Variants in PAK5 observed in about 807,000 individuals in gnomAD.
The protein encoded by PAK5 is p21 (RAC1) activated kinase 5.
In PAK5, 16 loss-of-function variants were observed where a neutral mutation model predicts 65.9. The observed-to-expected ratio is 0.24, with a 90% CI of 0.16 to 0.37. The LOEUF (loss-of-function observed/expected upper bound fraction) is 0.37. Ranked by LOEUF, PAK5 falls within the 10% of genes least tolerant of loss-of-function variation. The pLI, the probability that PAK5 is intolerant of heterozygous loss-of-function variation, is 1.00. For missense variants in PAK5, 785 were observed against 903.9 expected (o/e 0.87, Z 1.69); for synonymous variants, 371 against 354.9 (o/e 1.05, Z -0.51).
chr20:9,597,553 C>T (rs1470852577), intron 3 of PAK5, among the ~76,000 whole-genome samples: 2 of 152,182 alleles, frequency 1.3e-5, no homozygotes, highest in African/African-American at 4.8e-5. Context: ...AAAGTGGTTC[C>T]AATTCTCCTC....
chr20:9,571,874 T>TAAG (rs1435735177), intron 4 of PAK5, among the ~76,000 whole-genome samples: 2 of 39,350 alleles, frequency 5.1e-5, no homozygotes, highest in Admixed American at 3.4e-4. Context: ...GCATGAATGA[T>TAAG]GGGGGGGGGG....
chr20:9,812,141 C>G lies in PAK5; in HGVS notation c.-162+26621G>C, dbSNP rs542658488. The stretch of plus-strand genomic sequence containing the variant: ...GCACCAACATGTGCCAATCACTATT[C>G]TAGTTCCTAGGAAGACAGCATTAAA... On this transcript the variant is annotated intron_variant, in intron 1 of 9. Transcript: ENST00000353224. Among the ~76,000 whole-genome samples, 59 of 152,180 alleles carry G rather than the reference C, an allele frequency of 3.9e-4. 1 individual carries two copies. Among genetic ancestry groups the G allele is most frequent in the African/African-American group, 1.4e-3 (58 of 41,540 alleles).
chr20:9,837,929 T>A (rs1979279251), intron 1 of PAK5, among the ~76,000 whole-genome samples: 1 of 152,136 alleles, frequency 6.6e-6, no homozygotes, highest in Non-Finnish European at 1.5e-5. Context: ...AATTGATATC[T>A]AATGTTGACA....
chr20:9,581,218 A>T (rs1490496783), intron 3 of PAK5, among the ~76,000 whole-genome samples: 1 of 152,228 alleles, frequency 6.6e-6, no homozygotes, highest in Non-Finnish European at 1.5e-5. Flanking sequence ...TGTTTTATTT[A>T]CCAGTTTACA....
intron 1 of PAK5, among the ~76,000 whole-genome samples, chr20:9,805,342 C>T (rs1298402281): frequency 6.6e-6 from 1 of 152,108 alleles, no homozygotes. Flanking sequence ...ATAAAACTAC[C>T]TTACGACATA....
chr20:9,546,303 T>C (rs2045343571), intron 7 of PAK5, among the ~76,000 whole-genome samples: 1 of 152,226 alleles, frequency 6.6e-6, no homozygotes. Flanking sequence ...TTTTGATGCA[T>C]TTCAAACTGA....
intron 1 of PAK5, among the ~76,000 whole-genome samples, chr20:9,780,839 T>C (rs1482821719): frequency 6.6e-6 from 1 of 152,112 alleles, no homozygotes; most frequent in African/African-American, 2.4e-5. Context: ...GTCATAAACT[T>C]CAAAATTTAT....
intron 1 of PAK5, among the ~76,000 whole-genome samples, chr20:9,776,551 G>C (rs2048889028): frequency 6.6e-6 from 1 of 152,180 alleles, no homozygotes; most frequent in African/African-American, 2.4e-5. Context: ...AACAGAATAA[G>C]TCAGAAGTGG....
intron 1 of PAK5, among the ~76,000 whole-genome samples, chr20:9,781,897 C>G (rs2048944224): frequency 6.6e-6 from 1 of 152,106 alleles, no homozygotes; most frequent in Non-Finnish European, 1.5e-5. Flanking sequence ...TTAGTTTCTC[C>G]CCTTTCCCCT....
At chr20:9,830,012 C>A (rs1419020664) in intron 1 of PAK5, among the ~76,000 whole-genome samples, 2 of 152,122 alleles carry the variant, frequency 1.3e-5, no homozygotes, top group Non-Finnish European at 2.9e-5. Context: ...CCACTGGGCC[C>A]AGGAGCCCCA....
chr20:9,537,580 C>T lies in PAK5; in HGVS notation c.*1882G>A, dbSNP rs1463549784. 11 of 209,490 alleles carry T rather than the reference C, an allele frequency of 5.3e-5. No homozygotes were observed. The highest frequency in any genetic ancestry group is 1.1e-4 in the Non-Finnish European group (11 of 102,924). 13.0% of individuals were successfully genotyped at this position (209,490 alleles called of 1,614,324 possible). A position where few individuals can be genotyped will look rare whatever the true frequency, so the allele number is the denominator to read the frequency against. ...TTTGGAATCCAAAATCCACTATTTT[C>T]TGCAATAGTTTTTAATGTTTATTCT... On this transcript the variant is annotated 3_prime_UTR_variant, in exon 10 of 10. Transcript: ENST00000353224.
At chr20:9,561,721 A>G (rs1395884146) in intron 6 of PAK5, among the ~76,000 whole-genome samples, 1 of 152,176 alleles carries the variant, frequency 6.6e-6, no homozygotes, top group Non-Finnish European at 1.5e-5. Context: ...TTCAGGTACC[A>G]TTTCAATAAC....
At chr20:9,734,825 C>A (rs2048371591) in intron 1 of PAK5, among the ~76,000 whole-genome samples, 2 of 152,128 alleles carry the variant, frequency 1.3e-5, no homozygotes, top group African/African-American at 4.8e-5. Flanking sequence ...AGACAGGTAA[C>A]CAGTCTAGGA....
intron 1 of PAK5, among the ~76,000 whole-genome samples, chr20:9,753,430 C>T (rs866295408): frequency 2.0e-5 from 3 of 152,100 alleles, no homozygotes; most frequent in Admixed American, 6.6e-5. Context: ...TGACCATGAA[C>T]TATATGATAA....
Position 9,542,670 on chromosome 20 carries a change from C to A in PAK5, c.1920G>T (p.Glu640Asp), listed in dbSNP as rs1162341643. The A allele has an allele frequency of 1.2e-6, 2 of 1,613,946 alleles. No individual in the cohort carries two copies. Among genetic ancestry groups the A allele is most frequent in the Non-Finnish European group, 1.7e-6 (2 of 1,179,828 alleles). Residue 640 changes from glutamate to aspartate, a missense_variant, in exon 9 of 10, where the codon GAG becomes GAT. Glu to Asp is a conservative substitution (Grantham distance 45, BLOSUM62 2). Around this residue, in one of 4 missense-constraint regions of PAK5, gnomAD observed 110 missense variants for 107.4 expected, o/e 1.02. Coordinates refer to ENST00000353224, the MANE Select transcript of PAK5 (RefSeq NM_177990.4). ...GGGGAGGCTCATTGAAGTAGGGGGG[C>A]TCGCCATCAATCATTTCTATCACCA... is the stretch of plus-strand genomic sequence containing the variant. ...GIMVIEMIDG[E>D]PPYFNEPPLQ...
intron 1 of PAK5, among the ~76,000 whole-genome samples, chr20:9,750,242 A>ATATTGTTAAATAG (rs1482302240): frequency 6.6e-6 from 1 of 152,134 alleles, no homozygotes; most frequent in Non-Finnish European, 1.5e-5. Flanking sequence ...CTCAACAGAA[A>ATATTGTTAAATAG]TATTGTTAAA....
chr20:9,693,470 T>C (rs923533353), intron 2 of PAK5, among the ~76,000 whole-genome samples: 12 of 149,166 alleles, frequency 8.0e-5, no homozygotes, highest in Admixed American at 6.0e-4. Context: ...TTTCTCTCCC[T>C]CTCTCTCTCT....
rs181518025 is a variant in PAK5, at chr20:9,831,653, G to A, written c.-162+7109C>T. On this transcript the variant is annotated intron_variant, in intron 1 of 9. Coordinates refer to ENST00000353224, the MANE Select transcript of PAK5 (RefSeq NM_177990.4). Reference sequence around the variant, plus strand: ...CTCCTGAGTAGCTGAAATCAGAGGCGTGCGCCACCACGCTCAGCTAACTTT... The same window carrying A: ...CTCCTGAGTAGCTGAAATCAGAGGCATGCGCCACCACGCTCAGCTAACTTT... Among the ~76,000 whole-genome samples the A allele has an allele frequency of 1.2e-4, 18 of 152,148 alleles. 1 individual carries two copies. The highest frequency in any genetic ancestry group is 5.8e-4 in the East Asian group (3 of 5,150).
intron 1 of PAK5, among the ~76,000 whole-genome samples, chr20:9,721,650 T>C (rs922423221): frequency 1.6e-5 from 1 of 62,712 alleles, no homozygotes; most frequent in Non-Finnish European, 2.6e-5. Flanking sequence ...CGAGACTCCA[T>C]CTCAAAAAAA....
Sources: allele counts gnomAD v4.1 joint callset (sites outside exome capture counted in the v4.1 genomes callset), GRCh38; gene constraint gnomAD v4.1.1; regional missense constraint gnomAD v4.1.1; transcripts MANE v1.5; gene names NCBI Gene and HGNC (gene_info 2026-07-23, HGNC 2026-07-21).